FRAS1: variants seen among roughly 807,000 people sequenced by gnomAD.
The protein encoded by FRAS1 is Fraser extracellular matrix complex subunit 1, also known as extracellular matrix organizing protein FRAS1.
In FRAS1, 290 loss-of-function variants were observed where a neutral mutation model predicts 435.2. The ratio of observed to expected loss-of-function variants is 0.67; its 90% confidence interval spans 0.61 to 0.73. The LOEUF (loss-of-function observed/expected upper bound fraction) is 0.73. FRAS1 is among the 30% of genes least tolerant of loss of function. The pLI is 0.00. For missense variants in FRAS1, 4,860 were observed against 5,001.5 expected (o/e 0.97, Z 0.85); for synonymous variants, 1,800 against 1,851.0 (o/e 0.97, Z 0.71).
At chr4:78,510,021 A>T (rs961574002) in intron 63 of FRAS1, among the ~76,000 whole-genome samples, 6 of 152,170 alleles carry the variant, frequency 3.9e-5, no homozygotes, top group Non-Finnish European at 1.5e-5. Context: ...GGTCGTTCAT[A>T]CCCACTCTCT....
chr4:78,230,215 A>T (rs1007304509), intron 2 of FRAS1, among the ~76,000 whole-genome samples: 2 of 152,214 alleles, frequency 1.3e-5, no homozygotes, highest in African/African-American at 4.8e-5. Context: ...TAGGTTTTTG[A>T]TGTGTAAAAC....
intron 1 of FRAS1, among the ~76,000 whole-genome samples, chr4:78,065,058 GTATA>G (rs34023994): frequency 0.18 from 21,227 of 119,792 alleles, 2,061 homozygotes; most frequent in Non-Finnish European, 0.21. Context: ...GTTTTATAGT[GTATA>G]TATATATATA....
At chr4:78,496,724 A>G (rs1037561986) in intron 59 of FRAS1, 81 bp from the exon 60 acceptor site, 46 of 1,298,162 alleles carry the variant, frequency 3.5e-5, no homozygotes, top group Middle Eastern at 3.8e-4. Context: ...AATAAAGAAG[A>G]AAGATAGTTT....
chr4:78,305,908 A>C (rs1728687704), intron 14 of FRAS1, among the ~76,000 whole-genome samples: 1 of 150,584 alleles, frequency 6.6e-6, no homozygotes, highest in Non-Finnish European at 1.5e-5. Context: ...TGTCATTATG[A>C]TGTTAGCTGC....
intron 69 of FRAS1, among the ~76,000 whole-genome samples, chr4:78,526,171 C>T (rs1013297892): frequency 2.0e-5 from 3 of 152,138 alleles, no homozygotes; most frequent in Non-Finnish European, 2.9e-5. Context: ...TATCTGTCAT[C>T]AAGAAACACT....
At chr4:78,455,017 T>C (rs1025472027) in intron 47 of FRAS1, among the ~76,000 whole-genome samples, 3 of 152,136 alleles carry the variant, frequency 2.0e-5, no homozygotes, top group Non-Finnish European at 4.4e-5. Flanking sequence ...ATTTCCTAAT[T>C]CACACCTTTC....
chr4:78,439,654 C>G (rs1734574874), intron 40 of FRAS1, among the ~76,000 whole-genome samples: 1 of 151,768 alleles, frequency 6.6e-6, no homozygotes, highest in Non-Finnish European at 1.5e-5. Context: ...TTTTAATTCT[C>G]TTATTTATTT....
chr4:78,457,836 A>G (rs998199939), intron 47 of FRAS1, among the ~76,000 whole-genome samples: 4 of 152,220 alleles, frequency 2.6e-5, no homozygotes, highest in African/African-American at 7.2e-5. Flanking sequence ...TAAAGCTCCA[A>G]AAAAGGTAAG....
At chr4:78,203,084 T>A (rs906349603) in intron 2 of FRAS1, among the ~76,000 whole-genome samples, 1 of 152,238 alleles carries the variant, frequency 6.6e-6, no homozygotes, top group Non-Finnish European at 1.5e-5. Flanking sequence ...GACCATTTCA[T>A]AATGCCAATT....
chr4:78,311,450 C>T (rs1217321250), intron 15 of FRAS1, among the ~76,000 whole-genome samples: 2 of 152,108 alleles, frequency 1.3e-5, no homozygotes, highest in South Asian at 2.1e-4. Context: ...GGTGTGCCCC[C>T]GTCATATTAC....
intron 2 of FRAS1, among the ~76,000 whole-genome samples, chr4:78,090,478 A>G (rs1741460845): frequency 1.3e-5 from 2 of 152,122 alleles, no homozygotes; most frequent in Non-Finnish European, 2.9e-5. Flanking sequence ...AACCTGACTT[A>G]CAAATTACTG....
chr4:78,488,432 T>C (rs1485184000), intron 58 of FRAS1, among the ~76,000 whole-genome samples: 1 of 152,166 alleles, frequency 6.6e-6, no homozygotes, highest in Admixed American at 6.5e-5. Context: ...CCAAGACCAA[T>C]GTGAGTGGCC....
intron 14 of FRAS1, among the ~76,000 whole-genome samples, chr4:78,299,268 T>C (rs1183770227): frequency 2.0e-5 from 3 of 152,150 alleles, no homozygotes; most frequent in Non-Finnish European, 4.4e-5. Context: ...AGTCTGTCGA[T>C]TGAGGCCATC....
chr4:78,273,847 T>C (rs2200416), intron 9 of FRAS1, among the ~76,000 whole-genome samples: 1 of 152,320 alleles, frequency 6.6e-6, no homozygotes, highest in South Asian at 2.1e-4. Context: ...TTAGGGAGGA[T>C]TCCCTCTTTT....
intron 58 of FRAS1, among the ~76,000 whole-genome samples, chr4:78,483,816 T>TAC (rs1247489795): frequency 0.013 from 1,543 of 116,500 alleles, 51 homozygotes; most frequent in African/African-American, 0.043. Context: ...GTATGTGTGA[T>TAC]ACACACACAC....
At chr4:78,144,594 G>T (rs1005420477) in intron 2 of FRAS1, among the ~76,000 whole-genome samples, 3 of 151,834 alleles carry the variant, frequency 2.0e-5, no homozygotes, top group Non-Finnish European at 4.4e-5. Flanking sequence ...ATATAAATAT[G>T]CAAAAAGAAG....
chr4:78,465,991 A>G (rs765545385), intron 49 of FRAS1, among the ~76,000 whole-genome samples: 2 of 152,216 alleles, frequency 1.3e-5, no homozygotes, highest in African/African-American at 2.4e-5. Flanking sequence ...TAAATGTTTT[A>G]ATCTTACAAC....
chr4:78,464,380 C>T, intron 48 of FRAS1, 63 bp from the exon 49 acceptor site: 1 of 1,601,352 alleles, frequency 6.2e-7, no homozygotes, highest in Non-Finnish European at 8.5e-7. Flanking sequence ...AGAGCACCTA[C>T]CTTGGACTTG....
intron 2 of FRAS1, among the ~76,000 whole-genome samples, chr4:78,100,995 T>C (rs568919478): frequency 6.6e-6 from 1 of 152,288 alleles, no homozygotes; most frequent in East Asian, 1.9e-4. Flanking sequence ...AAGCTAATGG[T>C]AAATCTTTGT....
Sources: gnomAD v4.1 joint callset for allele counts (sites outside exome capture counted in the v4.1 genomes callset) on GRCh38, gnomAD v4.1.1 for gene constraint, MANE v1.5 for transcripts, NCBI Gene and HGNC (gene_info 2026-07-23, HGNC 2026-07-21) for gene names.